Variants in ATE1 observed in about 807,000 individuals in gnomAD.
ATE1 encodes arginyl-tRNA--protein transferase 1.
Under a neutral mutation model 70.5 loss-of-function variants are expected in ATE1, and 36 were observed. The ratio of observed to expected loss-of-function variants is 0.51; its 90% CI spans 0.39 to 0.67. ATE1 has a LOEUF of 0.67. ATE1 is among the 30% of genes least tolerant of loss of function. The probability of loss-of-function intolerance (pLI) is 0.00; values close to 1 mark genes in which losing one functional copy is unlikely to be tolerated. For synonymous variants in ATE1, 232 were observed against 219.3 expected (o/e 1.06, Z -0.51); for missense variants, 593 against 629.5 (o/e 0.94, Z 0.62).
intron 8 of ATE1, chr10:121,846,785 T>G (rs1477545164): frequency 6.6e-6 from 1 of 152,202 alleles, no homozygotes; most frequent in Non-Finnish European, 1.5e-5. Flanking sequence ...AGTATTTCCA[T>G]GAATGATAAG....
At chr10:121,875,717 C>T (rs1049751110) in intron 7 of ATE1, among the ~76,000 whole-genome samples, 16 of 152,130 alleles carry the variant, frequency 1.1e-4, no homozygotes, top group African/African-American at 3.9e-4. Flanking sequence ...TCCATGGCCA[C>T]GTAAGTCTGG....
chr10:121,817,685 T>C (rs1242587132), intron 10 of ATE1, among the ~76,000 whole-genome samples: 1 of 152,024 alleles, frequency 6.6e-6, no homozygotes, highest in Non-Finnish European at 1.5e-5. Context: ...TATCTTTGTA[T>C]CAAGGAGAGT....
chr10:121,768,828 T>C (rs1421660614), intron 11 of ATE1, among the ~76,000 whole-genome samples: 1 of 152,158 alleles, frequency 6.6e-6, no homozygotes. Context: ...TAAATGTTAA[T>C]TTAGAGATTT....
intron 11 of ATE1, among the ~76,000 whole-genome samples, chr10:121,781,175 CT>C (rs5788515): frequency 0.94 from 143,166 of 151,662 alleles, 67,807 homozygotes; most frequent in Non-Finnish European, 0.98. Context: ...TCAGTCTGTA[CT>C]TTTTTTTTTC....
chr10:121,926,284 T>C (rs537454442), intron 1 of ATE1, among the ~76,000 whole-genome samples: 45 of 152,252 alleles, frequency 3.0e-4, no homozygotes, highest in African/African-American at 1.1e-3. Flanking sequence ...ACAGGCTTGA[T>C]AGAGCAGAAT....
intron 11 of ATE1, among the ~76,000 whole-genome samples, chr10:121,770,711 G>C (rs1417745120): frequency 2.8e-5 from 4 of 144,166 alleles, no homozygotes; most frequent in Non-Finnish European, 4.5e-5. Context: ...ATAAGTGGGG[G>C]ATTTATAAGA....
intron 5 of ATE1, among the ~76,000 whole-genome samples, chr10:121,903,808 C>A (rs187994361): frequency 1.4e-4 from 22 of 151,844 alleles, no homozygotes; most frequent in African/African-American, 4.8e-4. Flanking sequence ...AATTAACAGA[C>A]CAAATATCAA....
At chr10:121,770,233 AACACACACACACACACACAC>A (rs3036837) in intron 11 of ATE1, among the ~76,000 whole-genome samples, 3 of 136,824 alleles carry the variant, frequency 2.2e-5, no homozygotes, top group African/African-American at 5.4e-5. Context: ...ACAAGAGAGA[AACACACACACACACACACAC>A]ACACACACAC....
chr10:121,918,907 G>A lies in ATE1; in HGVS notation c.233+3442C>T, dbSNP rs118165318. ...AGGATTGTAAAACGCCCCAATCGGCGCTCTGTAGCTAGCTAGAGGATTGTA... is the reference window on the plus strand; with the variant it reads ...AGGATTGTAAAACGCCCCAATCGGCACTCTGTAGCTAGCTAGAGGATTGTA... On this transcript the variant is annotated intron_variant, in intron 3 of 11. Coordinates refer to ENST00000224652, the MANE Select transcript of ATE1 (RefSeq NM_001001976.3). Among the ~76,000 whole-genome samples, 486 of 152,162 alleles carry A rather than the reference G, an allele frequency of 3.2e-3. 8 individuals are homozygous for A. In the East Asian group the frequency reaches 0.047, roughly 15 times the overall value.
chr10:121,880,508 T>A (rs1950193725), intron 7 of ATE1, among the ~76,000 whole-genome samples: 1 of 151,326 alleles, frequency 6.6e-6, no homozygotes, highest in Non-Finnish European at 1.5e-5. Context: ...ATGAAAGCCA[T>A]TACAAAATTT....
chr10:121,903,203 T>TA (rs113058322), intron 5 of ATE1, among the ~76,000 whole-genome samples: 2 of 151,636 alleles, frequency 1.3e-5, no homozygotes, highest in African/African-American at 2.4e-5. Flanking sequence ...TATCTTTTTT[T>TA]AAAAAAAAAC....
At chr10:121,919,700 G>A (rs1013201209) in intron 3 of ATE1, among the ~76,000 whole-genome samples, 2 of 149,070 alleles carry the variant, frequency 1.3e-5, no homozygotes, top group African/African-American at 5.0e-5. Context: ...GAGTTCGAGA[G>A]TAGCGCGGCC....
intron 5 of ATE1, among the ~76,000 whole-genome samples, chr10:121,905,533 G>A (rs1467323553): frequency 6.6e-6 from 1 of 152,060 alleles, no homozygotes. Context: ...TAAATACTAC[G>A]TTACTACAGT....
At chr10:121,861,231 A>G (rs1949455608) in intron 8 of ATE1, among the ~76,000 whole-genome samples, 1 of 152,162 alleles carries the variant, frequency 6.6e-6, no homozygotes, top group African/African-American at 2.4e-5. Flanking sequence ...AGATGCCTAT[A>G]CTAATCCAAG....
chr10:121,831,135 G>A (rs1012741473), intron 10 of ATE1, among the ~76,000 whole-genome samples: 1 of 151,992 alleles, frequency 6.6e-6, no homozygotes, highest in Admixed American at 6.6e-5. Context: ...GAAATACTAA[G>A]GTTAGTAGTA....
chr10:121,791,066 G>GACA (rs1946427179), intron 10 of ATE1, among the ~76,000 whole-genome samples: 1 of 28,962 alleles, frequency 3.5e-5, no homozygotes, highest in Non-Finnish European at 8.2e-5. Flanking sequence ...GTGTGTGTGT[G>GACA]TGTGTGTGTG....
intron 11 of ATE1, among the ~76,000 whole-genome samples, chr10:121,747,092 A>C (rs1944402264): frequency 1.3e-5 from 2 of 152,210 alleles, no homozygotes; most frequent in South Asian, 4.1e-4. Context: ...TTCACTGACA[A>C]ACAGCTTGGG....
chr10:121,928,155 C>T (rs1952182744), upstream of ATE1: 8 of 1,276,976 alleles, frequency 6.3e-6, no homozygotes, highest in East Asian at 2.2e-4. Context: ...CCACTATTTC[C>T]GTTCCTTCTC....
At chr10:121,856,007 C>T (rs999687690) in intron 8 of ATE1, among the ~76,000 whole-genome samples, 2 of 144,344 alleles carry the variant, frequency 1.4e-5, no homozygotes, top group Admixed American at 7.0e-5. Context: ...ACCCAGGAGG[C>T]GGAGACTGCA....
Sources: gnomAD v4.1 joint callset for allele counts (sites outside exome capture counted in the v4.1 genomes callset) on GRCh38, gnomAD v4.1.1 for gene constraint, MANE v1.5 for transcripts, NCBI Gene and HGNC (gene_info 2026-07-23, HGNC 2026-07-21) for gene names.